SRGAP2B: variants seen among roughly 807,000 people sequenced by gnomAD.
SRGAP2B encodes SLIT-ROBO Rho GTPase-activating protein 2B.
In SRGAP2B, 9 loss-of-function variants were observed where a neutral mutation model predicts 22.2. The observed-to-expected ratio is 0.41, with a 90% CI of 0.24 to 0.71. The LOEUF is 0.71. SRGAP2B is among the 30% of genes least tolerant of loss of function. The probability of loss-of-function intolerance (pLI) is 0.35; values close to 1 mark genes in which losing one functional copy is unlikely to be tolerated. For missense variants in SRGAP2B, 114 were observed against 235.8 expected, an observed-to-expected ratio of 0.48 and a Z score of 3.38; for synonymous variants, 36 against 87.4, an observed-to-expected ratio of 0.41 and a Z score of 3.28.
intron 4 of SRGAP2B, among the ~76,000 whole-genome samples, chr1:144,915,418 A>G (rs1663795785): frequency 6.6e-6 from 1 of 150,676 alleles, no homozygotes; most frequent in African/African-American, 2.5e-5. Context: ...ATCTAACTAC[A>G]TAGAGCAGTA....
In SRGAP2B at chr1:144,923,515, G is replaced by A. The variant is rs1206626745; in HGVS notation, c.424-8761C>T. Among the ~76,000 whole-genome samples the A allele has an allele frequency of 3.4e-5, 5 of 149,004 alleles. No individual in the cohort carries two copies. In the East Asian group the frequency reaches 9.8e-4, roughly 29 times the overall value. On this transcript the variant is annotated intron_variant, in intron 4 of 9. Coordinates refer to ENST00000612199, the Ensembl canonical transcript of SRGAP2B. Reference sequence around the variant, plus strand: ...GACATAAGGGACAAAAGACACAAAAGCAAACAGGCAACACGAGAGCTCAAA... The same window carrying A: ...GACATAAGGGACAAAAGACACAAAAACAAACAGGCAACACGAGAGCTCAAA...
intron 3 of SRGAP2B, among the ~76,000 whole-genome samples, chr1:144,966,196 C>A (rs1668070570): frequency 6.7e-6 from 1 of 149,038 alleles, no homozygotes; most frequent in African/African-American, 2.6e-5. Flanking sequence ...TTGTCAGATT[C>A]ACCAAAGTTG....
At chr1:144,975,764 T>C (rs1367220444) in intron 3 of SRGAP2B, among the ~76,000 whole-genome samples, 7 of 149,586 alleles carry the variant, frequency 4.7e-5, no homozygotes, top group Admixed American at 2.0e-4. Context: ...AGCTAACTTT[T>C]GAACATTGTG....
chr1:144,925,727 AAAAGAAAGAAAGAAAGAAAG>A lies in SRGAP2B; in HGVS notation c.424-10993_424-10974del, dbSNP rs202130146. ...GAGAGAAAGAGAGAGAGAGAGAAAG[AAAAGAAAGAAAGAAAGAAAG>A]AAAGAAAGAAAGAAAGAAAGAAAGA... On this transcript the variant is annotated intron_variant, in intron 4 of 9. Coordinates refer to ENST00000612199, the Ensembl canonical transcript of SRGAP2B. Among the ~76,000 whole-genome samples, 198 of 104,204 alleles carry A rather than the reference AAAAGAAAGAAAGAAAGAAAG, an allele frequency of 1.9e-3. 2 individuals carry two copies. Among genetic ancestry groups the A allele is most frequent in the East Asian group, 0.012 (42 of 3,524 alleles). 68.4% of individuals were successfully genotyped at this position (104,204 alleles called of 152,430 possible). A position where few individuals can be genotyped will look rare whatever the true frequency, so the allele number is the denominator to read the frequency against.
At chr1:144,998,864 G>A (rs1246052615) in intron 2 of SRGAP2B, among the ~76,000 whole-genome samples, 1 of 150,906 alleles carries the variant, frequency 6.6e-6, no homozygotes, top group Non-Finnish European at 1.5e-5. Flanking sequence ...CCCCAAGAAG[G>A]CAGCTATGCT....
intron 3 of SRGAP2B, among the ~76,000 whole-genome samples, chr1:144,972,121 C>T (rs1374450941): frequency 6.9e-6 from 1 of 144,970 alleles, no homozygotes; most frequent in Admixed American, 6.9e-5. Context: ...CATGTGGTTA[C>T]ACATGAAAGG....
At position 144,960,373 on chromosome 1, in the gene SRGAP2B, C is replaced by T. The variant is rs758550274; in HGVS notation, c.261-4772G>A. ...ATGACTCTGGAGTCGAAAGGAGACCCGGAAAGTCACATGCTGCCTGTACAT... is the reference window on the plus strand; with the variant it reads ...ATGACTCTGGAGTCGAAAGGAGACCTGGAAAGTCACATGCTGCCTGTACAT... On this transcript the variant is annotated intron_variant, in intron 3 of 9. Transcript: ENST00000612199. Among the ~76,000 whole-genome samples the T allele has an allele frequency of 8.0e-5, 12 of 150,716 alleles. No homozygotes were observed. In the South Asian group the frequency reaches 1.0e-3, roughly 13 times the overall value.
intron 4 of SRGAP2B, among the ~76,000 whole-genome samples, chr1:144,954,774 A>G (rs1553609969): frequency 6.7e-6 from 1 of 150,356 alleles, no homozygotes; most frequent in African/African-American, 2.5e-5. Flanking sequence ...AAATTGTTCA[A>G]CCTATACCCA....
intron 2 of SRGAP2B, among the ~76,000 whole-genome samples, chr1:145,020,564 T>C (rs1672728768): frequency 6.8e-6 from 1 of 147,522 alleles, no homozygotes; most frequent in African/African-American, 2.6e-5. Flanking sequence ...GCAATTTATA[T>C]ATTCATCATG....
intron 4 of SRGAP2B, 63 bp downstream of exon 4, chr1:144,955,376 T>C (rs1570839174): frequency 2.8e-6 from 3 of 1,058,624 alleles, no homozygotes; most frequent in East Asian, 5.2e-5. Flanking sequence ...TAATATCTAA[T>C]AGGATTTTAA....
In SRGAP2B at chr1:144,907,667, G is replaced by A. The variant is rs1224072299; in HGVS notation, c.487-1593C>T. 1.1e-4 allele frequency among the ~76,000 whole-genome samples: 17 copies of A among 150,110 alleles called. 1 individual carries two copies. The highest frequency in any genetic ancestry group is 4.3e-4 in the African/African-American group (17 of 39,932). On this transcript the variant is annotated intron_variant, in intron 5 of 9. Coordinates refer to ENST00000612199, the Ensembl canonical transcript of SRGAP2B. ...GATTGCTACTGGCATCTAGTAGTTA[G>A]AGGTCAGGGATGCTGCTGAACATCC...
chr1:145,006,894 G>A (rs1303515060), intron 2 of SRGAP2B, among the ~76,000 whole-genome samples: 1 of 150,828 alleles, frequency 6.6e-6, no homozygotes, highest in Non-Finnish European at 1.5e-5. Context: ...AAAGCTGAGT[G>A]ATTAAGAGGA....
chr1:144,943,490 A>C (rs1436148340), intron 4 of SRGAP2B, among the ~76,000 whole-genome samples: 1 of 151,468 alleles, frequency 6.6e-6, no homozygotes, highest in African/African-American at 2.5e-5. Flanking sequence ...ATCTACTATA[A>C]AATTTAAAAG....
At chr1:145,035,961 G>A (rs1349596289) in intron 2 of SRGAP2B, among the ~76,000 whole-genome samples, 7 of 132,500 alleles carry the variant, frequency 5.3e-5, no homozygotes, top group Non-Finnish European at 1.1e-4. Flanking sequence ...AAAAACCCAC[G>A]ATAAAACCCT....
intron 4 of SRGAP2B, among the ~76,000 whole-genome samples, chr1:144,928,477 G>C (rs1447861478): frequency 7.7e-6 from 1 of 129,712 alleles, no homozygotes; most frequent in East Asian, 2.1e-4. Flanking sequence ...TCGCTCTGTC[G>C]CCCAGGCTGG....
At position 144,906,049 on chromosome 1, in the gene SRGAP2B, T is replaced by C. The variant is rs1487557045; in HGVS notation, c.512A>G (p.Asn171Ser). Residue 171 changes from asparagine (N) to serine (S), a missense_variant, in exon 6 of 10, where the codon AAT (asparagine) becomes AGT (serine). Asn to Ser is a conservative substitution (Grantham distance 46). Around this residue, in one of 2 missense-constraint regions of SRGAP2B, gnomAD observed 95 missense variants for 139.0 expected, o/e 0.68. Coordinates refer to ENST00000612199, the Ensembl canonical transcript of SRGAP2B. ...GCTCTGAGCACTGATGCTGTCGGCATTGTACATGTGATATGTCTTCATGAC... is the reference window on the plus strand; with the variant it reads ...GCTCTGAGCACTGATGCTGTCGGCACTGTACATGTGATATGTCTTCATGAC... The C allele has an allele frequency of 1.9e-4, 137 of 707,292 alleles. 1 individual carries two copies. The highest frequency in any genetic ancestry group is 7.1e-4 in the Middle Eastern group (3 of 4,208). The allele number at this position is 707,292 out of a possible 1,614,324, so 43.8% of individuals were successfully genotyped here. A position where few individuals can be genotyped will look rare whatever the true frequency, so the allele number is the denominator to read the frequency against.
At chr1:145,063,055 T>C (rs1228982863) in intron 2 of SRGAP2B, among the ~76,000 whole-genome samples, 3 of 149,804 alleles carry the variant, frequency 2.0e-5, no homozygotes, top group Non-Finnish European at 3.0e-5. Flanking sequence ...GAAAATTAAA[T>C]TGATTCTTAC....
At chr1:144,907,836 G>C (rs1247635828) in intron 5 of SRGAP2B, among the ~76,000 whole-genome samples, 9 of 149,846 alleles carry the variant, frequency 6.0e-5, no homozygotes, top group Non-Finnish European at 1.0e-4. Flanking sequence ...AAAGAATAAA[G>C]AATACTGGGA....
intron 4 of SRGAP2B, among the ~76,000 whole-genome samples, chr1:144,955,075 C>A (rs1667157911): frequency 6.7e-6 from 1 of 149,958 alleles, no homozygotes; most frequent in Admixed American, 6.6e-5. Flanking sequence ...ATAGTACCAG[C>A]CCTGGGTTTA....
Sources: allele counts gnomAD v4.1 joint callset (sites outside exome capture counted in the v4.1 genomes callset), GRCh38; gene constraint gnomAD v4.1.1; regional missense constraint gnomAD v4.1.1; transcripts MANE v1.5; gene names NCBI Gene and HGNC (gene_info 2026-07-23, HGNC 2026-07-21).